The following EDEM3 variants were observed in gnomAD, a reference collection of about 807,000 sequenced individuals.
EDEM3 encodes the protein ER degradation enhancing alpha-mannosidase like protein 3.
EDEM3 carries 60 observed loss-of-function variants against 110.2 expected under a neutral mutation model. The ratio of observed to expected loss-of-function variants is 0.54; its 90% CI spans 0.44 to 0.67. The LOEUF (loss-of-function observed/expected upper bound fraction) is 0.67, where lower values mean the gene tolerates loss of function less well. Among genes scored for constraint, EDEM3 ranks in the 30% least tolerant of loss-of-function variants. The probability of loss-of-function intolerance (pLI) is 0.00; values close to 1 mark genes in which losing one functional copy is unlikely to be tolerated. For synonymous variants in EDEM3, 352 were observed against 382.9 expected (o/e 0.92, Z 0.94); for missense variants, 996 against 1,121.0 (o/e 0.89, Z 1.59).
At chr1:184,732,491 G>C (rs1651584989) in intron 6 of EDEM3, among the ~76,000 whole-genome samples, 1 of 152,142 alleles carries the variant, frequency 6.6e-6, no homozygotes, top group Non-Finnish European at 1.5e-5. Context: ...GTAACACAAA[G>C]AAATGATAAA....
chr1:184,721,499 C>G (rs1650899924), intron 8 of EDEM3, 113 bp from the exon 9 acceptor site: 2 of 630,834 alleles, frequency 3.2e-6, no homozygotes, highest in Admixed American at 3.7e-5. Flanking sequence ...ATATATATGA[C>G]TACACCAGTT....
rs142264328 is a variant in EDEM3, at chr1:184,698,255, C to T, written c.2390-3783G>A. The stretch of plus-strand genomic sequence containing the variant: ...ATGAAAACGACCCATATACTTTCTG[C>T]CAGCATTTCATTTTAGTAAATCTCA... On this transcript the variant is annotated intron_variant, in intron 19 of 19. Transcript: ENST00000318130. Among the ~76,000 whole-genome samples the T allele has an allele frequency of 2.8e-3, 432 of 151,782 alleles. 5 individuals carry two copies. In the East Asian group the frequency reaches 0.036, roughly 13 times the overall value.
intron 18 of EDEM3, among the ~76,000 whole-genome samples, chr1:184,703,572 A>C (rs1292599343): frequency 6.6e-6 from 1 of 152,164 alleles, no homozygotes; most frequent in African/African-American, 2.4e-5. Flanking sequence ...GCTATTTTGC[A>C]TTGGTTAAAT....
chr1:184,727,568 G>A (rs148569005), intron 6 of EDEM3, among the ~76,000 whole-genome samples: 206 of 152,204 alleles, frequency 1.4e-3, no homozygotes, highest in African/African-American at 4.7e-3. Context: ...TGCCTTAACA[G>A]TGTCCAATCA....
At chr1:184,697,970 G>T (rs1466375765) in intron 19 of EDEM3, among the ~76,000 whole-genome samples, 3 of 151,414 alleles carry the variant, frequency 2.0e-5, no homozygotes, top group African/African-American at 7.3e-5. Flanking sequence ...TTATGAGTAT[G>T]TATGTAAATA....
chr1:184,710,140 G>C (rs943049497), intron 16 of EDEM3, among the ~76,000 whole-genome samples: 1 of 152,098 alleles, frequency 6.6e-6, no homozygotes, highest in South Asian at 2.1e-4. Flanking sequence ...ACTTAGATTT[G>C]AGTCCTGCAT....
intron 7 of EDEM3, among the ~76,000 whole-genome samples, chr1:184,724,933 G>A (rs112548693): frequency 2.9e-3 from 444 of 152,230 alleles, no homozygotes; most frequent in African/African-American, 9.4e-3. Flanking sequence ...ACAAGAACCA[G>A]GTATTTTAAG....
In EDEM3 at chr1:184,691,314, A is replaced by T. The variant is rs1649052225; in HGVS notation, c.*2749T>A. 6.6e-6 allele frequency: 1 copy of T among 152,576 alleles called. No homozygotes were observed. Among genetic ancestry groups the T allele is most frequent in the Admixed American group, 6.6e-5 (1 of 15,264 alleles). 9.5% of individuals were successfully genotyped at this position (152,576 alleles called of 1,614,324 possible). A position where few individuals can be genotyped will look rare whatever the true frequency, so the allele number is the denominator to read the frequency against. On this transcript the variant is annotated 3_prime_UTR_variant, in exon 20 of 20. Coordinates refer to ENST00000318130, the MANE Select transcript of EDEM3 (RefSeq NM_025191.4). The stretch of plus-strand genomic sequence containing the variant: ...AATGAACTTTTATATGCAGAAAAAA[A>T]CTAGCTATTTTATTTTTAGTAGGTA...
At position 184,732,011 on chromosome 1, in the gene EDEM3, C is replaced by T. The variant is rs182021301; in HGVS notation, c.612+826G>A. Among the ~76,000 whole-genome samples the T allele has an allele frequency of 2.9e-3, 434 of 152,146 alleles. 5 individuals carry two copies. The East Asian group carries it at 0.036, about 12-fold the overall frequency. ...CTAACACTGTGAAACCCCATCTCTA[C>T]TAAAAATACAAAAAATTAGCCGGTC... On this transcript the variant is annotated intron_variant, in intron 6 of 19. Coordinates refer to ENST00000318130, the MANE Select transcript of EDEM3 (RefSeq NM_025191.4).
At chr1:184,704,226 T>C (rs2102063460) in intron 18 of EDEM3, among the ~76,000 whole-genome samples, 1 of 152,314 alleles carries the variant, frequency 6.6e-6, no homozygotes, top group Admixed American at 6.5e-5. Context: ...ATAATTCGTA[T>C]TTCTAACCCT....
chr1:184,711,133 T>C (rs1273710685), intron 15 of EDEM3, among the ~76,000 whole-genome samples: 2 of 152,060 alleles, frequency 1.3e-5, no homozygotes, highest in African/African-American at 4.8e-5. Flanking sequence ...AGTTTCGCTC[T>C]TGTCACCCAG....
chr1:184,733,097 G>A, intron 5 of EDEM3, 107 bp from the exon 6 acceptor site: 2 of 1,185,696 alleles, frequency 1.7e-6, no homozygotes, highest in Admixed American at 2.7e-5. Context: ...TTTAAGGAAA[G>A]ACAAAAATTA....
rs556226377 is a variant in EDEM3 at position 184,711,979 on chromosome 1, T to G, written c.1537-102A>C. On this transcript the variant is annotated intron_variant, in intron 14 of 19. Coordinates refer to ENST00000318130, the MANE Select transcript of EDEM3 (RefSeq NM_025191.4). ...TCTCACTCTGTTGCCCAGGCTGCAG[T>G]GCAGTGGCGTAATCTCTGCTCACTG... 5.4e-4 allele frequency: 463 copies of G among 860,250 alleles called. 2 individuals carry two copies. In the African/African-American group the frequency reaches 7.1e-3, roughly 13 times the overall value. 53.3% of individuals were successfully genotyped at this position (860,250 alleles called of 1,614,324 possible).
intron 3 of EDEM3, 151 bp from the exon 4 acceptor site, chr1:184,737,215 G>A: frequency 4.7e-6 from 3 of 643,198 alleles, no homozygotes; most frequent in Non-Finnish European, 8.0e-6. Flanking sequence ...ATAAGGCTCT[G>A]AAAGAAACTG....
chr1:184,705,692 CG>C (rs1649883651), intron 18 of EDEM3, among the ~76,000 whole-genome samples: 1 of 151,614 alleles, frequency 6.6e-6, no homozygotes, highest in South Asian at 2.1e-4. Context: ...AACTATTGGG[CG>C]GCAGGGGAGG....
At chr1:184,752,037 G>T (rs1303087818) in intron 1 of EDEM3, among the ~76,000 whole-genome samples, 1 of 152,214 alleles carries the variant, frequency 6.6e-6, no homozygotes, top group Non-Finnish European at 1.5e-5. Flanking sequence ...ACAGGCATGA[G>T]CCACCATGCC....
chr1:184,737,539 T>C, intron 3 of EDEM3, 72 bp downstream of exon 3: 1 of 1,414,334 alleles, frequency 7.1e-7, no homozygotes, highest in Non-Finnish European at 1.0e-6. Context: ...TATTATTATA[T>C]GTAAACTGTC....
chr1:184,712,017 C>T, intron 14 of EDEM3, 140 bp from the exon 15 acceptor site: 1 of 624,076 alleles, frequency 1.6e-6, no homozygotes, highest in East Asian at 3.3e-5. Flanking sequence ...AGCTCCATCT[C>T]CTGGGTTCAT....
At chr1:184,710,925 T>A (rs1352692824) in intron 15 of EDEM3, among the ~76,000 whole-genome samples, 1 of 152,192 alleles carries the variant, frequency 6.6e-6, no homozygotes, top group Admixed American at 6.6e-5. Context: ...TAATAACACT[T>A]ATGTAAAAAT....
Sources: gnomAD v4.1 joint callset for allele counts (sites outside exome capture counted in the v4.1 genomes callset) on GRCh38, gnomAD v4.1.1 for gene constraint, MANE v1.5 for transcripts, NCBI Gene and HGNC (gene_info 2026-07-23, HGNC 2026-07-21) for gene names.